The following PDE4D variants were observed in gnomAD, a reference collection of about 807,000 sequenced individuals.
PDE4D encodes phosphodiesterase 4D, also known as 3',5'-cyclic-AMP phosphodiesterase 4D.
A neutral mutation model predicts 87.4 loss-of-function variants in PDE4D; 24 were observed. The ratio of observed to expected loss-of-function variants is 0.27; its 90% CI spans 0.20 to 0.39. PDE4D has a LOEUF of 0.39. PDE4D is among the 10% of genes least tolerant of loss of function. The pLI, the probability that PDE4D is intolerant of heterozygous loss-of-function variation, is 1.00. For synonymous variants in PDE4D, 384 were observed against 383.2 expected (o/e 1.00, Z -0.02); for missense variants, 714 against 1,041.0 (o/e 0.69, Z 4.32).
chr5:60,406,860 GA>G (rs899561938), intron 1 of PDE4D, among the ~76,000 whole-genome samples: 8 of 150,628 alleles, frequency 5.3e-5, no homozygotes, highest in South Asian at 4.2e-4. Flanking sequence ...AAATTATGTT[GA>G]AAAAAAAATG....
chr5:59,290,411 T>C (rs781318096), intron 1 of PDE4D, among the ~76,000 whole-genome samples: 1 of 152,072 alleles, frequency 6.6e-6, no homozygotes, highest in Non-Finnish European at 1.5e-5. Context: ...TTTTGCCATA[T>C]ACAAAAATCA....
At chr5:59,189,129 A>T (rs1382999247) in intron 3 of PDE4D, among the ~76,000 whole-genome samples, 3 of 151,868 alleles carry the variant, frequency 2.0e-5, no homozygotes, top group African/African-American at 7.3e-5. Context: ...CTAAATGGTA[A>T]TATTCTATAG....
At chr5:59,279,312 T>C (rs1345764636) in intron 1 of PDE4D, among the ~76,000 whole-genome samples, 2 of 152,168 alleles carry the variant, frequency 1.3e-5, no homozygotes, top group African/African-American at 4.8e-5. Context: ...CTAACGTTAA[T>C]GAGAATAAGA....
chr5:59,200,283 A>ACGT lies in PDE4D; in HGVS notation c.648-6748_648-6747insACG, dbSNP rs1304980684. On this transcript the variant is annotated intron_variant, in intron 2 of 14. Coordinates refer to ENST00000340635, the MANE Select transcript of PDE4D (RefSeq NM_001104631.2). ...CATACATATGTGTATGTACAGCTAC[A>ACGT]AGTATACATACATATGTGTATGTAC... is the stretch of plus-strand genomic sequence containing the variant. Among the ~76,000 whole-genome samples, 31 of 127,688 alleles carry ACGT rather than the reference A, an allele frequency of 2.4e-4. 1 individual carries two copies. Among genetic ancestry groups the ACGT allele is most frequent in the African/African-American group, 6.1e-4 (17 of 27,814 alleles). The allele number at this position is 127,688 out of a possible 152,430, so 83.8% of individuals were successfully genotyped here. A position where few individuals can be genotyped will look rare whatever the true frequency, so the allele number is the denominator to read the frequency against.
chr5:60,242,209 C>G (rs567069585), intron 1 of PDE4D, among the ~76,000 whole-genome samples: 92 of 151,848 alleles, frequency 6.1e-4, no homozygotes, highest in African/African-American at 2.2e-3. Flanking sequence ...GACTTCAACA[C>G]AAAAACTGTA....
intron 1 of PDE4D, chr5:59,430,396 T>C (rs768789981): frequency 4.1e-6 from 5 of 1,231,268 alleles, no homozygotes; most frequent in Non-Finnish European, 4.1e-6. Context: ...AGTCAGGTAC[T>C]CACAGCTGCT....
chr5:59,489,285 C>A (rs201854276), intron 1 of PDE4D, among the ~76,000 whole-genome samples: 18 of 148,444 alleles, frequency 1.2e-4, no homozygotes, highest in Admixed American at 2.7e-4. Flanking sequence ...ACAAAAAAAA[C>A]AAAAAAAAAC....
At chr5:60,068,417 GTTAT>G (rs56351714) in intron 2 of PDE4D, among the ~76,000 whole-genome samples, 1 of 150,588 alleles carries the variant, frequency 6.6e-6, no homozygotes, top group African/African-American at 2.4e-5. Flanking sequence ...TTTAAATCAG[GTTAT>G]TTATTTATTT....
chr5:60,332,398 T>A (rs548435368), intron 1 of PDE4D, among the ~76,000 whole-genome samples: 3 of 152,310 alleles, frequency 2.0e-5, no homozygotes, highest in African/African-American at 4.8e-5. Flanking sequence ...TGTGTCCAGT[T>A]ACTTATAAGC....
chr5:60,315,343 T>C (rs749504012), intron 1 of PDE4D, among the ~76,000 whole-genome samples: 1 of 152,246 alleles, frequency 6.6e-6, no homozygotes, highest in African/African-American at 2.4e-5. Flanking sequence ...GTTTGTTTTT[T>C]TCTAGTAAAT....
At chr5:60,276,072 C>A (rs1275408075) in intron 1 of PDE4D, among the ~76,000 whole-genome samples, 1 of 152,084 alleles carries the variant, frequency 6.6e-6, no homozygotes, top group African/African-American at 2.4e-5. Flanking sequence ...GTTATAAATT[C>A]TATAGACACT....
At chr5:60,085,707 T>C (rs1207404629) in intron 2 of PDE4D, among the ~76,000 whole-genome samples, 1 of 152,204 alleles carries the variant, frequency 6.6e-6, no homozygotes, top group Non-Finnish European at 1.5e-5. Flanking sequence ...TATTTCTACA[T>C]CTTTAAAAAT....
chr5:60,451,232 C>CT (rs1298530561), intron 1 of PDE4D, among the ~76,000 whole-genome samples: 2 of 152,010 alleles, frequency 1.3e-5, no homozygotes, highest in South Asian at 2.1e-4. Context: ...TTTTTGATCA[C>CT]TTTTTAAACT....
At chr5:59,506,659 A>C (rs933529159) in intron 1 of PDE4D, among the ~76,000 whole-genome samples, 6 of 152,200 alleles carry the variant, frequency 3.9e-5, no homozygotes, top group African/African-American at 1.4e-4. Flanking sequence ...TCCCATACAG[A>C]ACACTTCAAA....
intron 1 of PDE4D, among the ~76,000 whole-genome samples, chr5:59,240,115 C>A (rs1326942726): frequency 6.6e-6 from 1 of 152,130 alleles, no homozygotes; most frequent in Non-Finnish European, 1.5e-5. Flanking sequence ...AAACTAACAG[C>A]CATGACACAA....
intron 3 of PDE4D, among the ~76,000 whole-genome samples, chr5:59,948,253 T>C (rs1452381342): frequency 2.6e-5 from 4 of 152,210 alleles, no homozygotes; most frequent in African/African-American, 9.6e-5. Flanking sequence ...ATTCTTGGGA[T>C]CATATTGTGG....
chr5:59,565,948 A>T (rs924453193), intron 1 of PDE4D, among the ~76,000 whole-genome samples: 1 of 152,184 alleles, frequency 6.6e-6, no homozygotes, highest in Non-Finnish European at 1.5e-5. Context: ...AAGAGACTCA[A>T]TGAAACTGGG....
At chr5:60,076,048 G>C (rs1773254211) in intron 2 of PDE4D, among the ~76,000 whole-genome samples, 1 of 152,096 alleles carries the variant, frequency 6.6e-6, no homozygotes, top group Admixed American at 6.5e-5. Context: ...ACTCTTACTG[G>C]AGAACTAGTA....
chr5:59,289,065 T>C (rs1472985368), intron 1 of PDE4D, among the ~76,000 whole-genome samples: 1 of 152,170 alleles, frequency 6.6e-6, no homozygotes, highest in Non-Finnish European at 1.5e-5. Context: ...ACTGTTATTA[T>C]AGTATGTAAA....
Sources: gnomAD v4.1 joint callset for allele counts (sites outside exome capture counted in the v4.1 genomes callset) on GRCh38, gnomAD v4.1.1 for gene constraint, MANE v1.5 for transcripts, NCBI Gene and HGNC (gene_info 2026-07-23, HGNC 2026-07-21) for gene names.